The following FAM161A variants were observed in gnomAD, a reference collection of about 807,000 sequenced individuals.
FAM161A encodes FAM161 centrosomal protein A.
Under a neutral mutation model 70.9 loss-of-function variants are expected in FAM161A, and 57 were observed. The ratio of observed to expected loss-of-function variants is 0.80; its 90% CI spans 0.65 to 1.00. The LOEUF is 1.00. FAM161A is among the 50% of genes least tolerant of loss of function. The pLI, the probability that FAM161A is intolerant of heterozygous loss-of-function variation, is 0.00. For missense variants in FAM161A, 880 were observed against 836.0 expected, an observed-to-expected ratio of 1.05 and a Z score of -0.65; for synonymous variants, 299 against 295.7, an observed-to-expected ratio of 1.01 and a Z score of -0.12.
At chr2:61,841,074 C>T (rs903409975) in intron 2 of FAM161A, among the ~76,000 whole-genome samples, 4 of 152,196 alleles carry the variant, frequency 2.6e-5, no homozygotes, top group Non-Finnish European at 4.4e-5. Flanking sequence ...CACTTTGACT[C>T]CTTCATTTTA....
chr2:61,826,381 TA>T lies in FAM161A; in HGVS notation c.*73del. The T allele has an allele frequency of 1.3e-6, 2 of 1,544,406 alleles. No homozygotes were observed. The highest frequency in any genetic ancestry group is 1.2e-5 in the South Asian group (1 of 86,816). On this transcript the variant is annotated 3_prime_UTR_variant, in exon 7 of 7. Transcript: ENST00000404929. ...ATCAGAAGCGTCCCCACAGATGTTC[TA>T]AACACAAATGCGGCTGCTGACACCC... is the stretch of plus-strand genomic sequence containing the variant.
chr2:61,836,207 G>GA (rs1284973782), intron 4 of FAM161A, 98 bp from the exon 5 acceptor site: 29 of 632,342 alleles, frequency 4.6e-5, no homozygotes, highest in African/African-American at 2.0e-4. Context: ...CAAAGTCAAT[G>GA]AAAAAAAAGA....
Position 61,827,103 on chromosome 2 carries a change from C to T in FAM161A, c.2006+1G>A, listed in dbSNP as rs753144249. 6 of 1,613,362 alleles carry T rather than the reference C, an allele frequency of 3.7e-6. No homozygotes were observed. In the South Asian group the frequency reaches 6.6e-5, roughly 18 times the overall value. ...CCATTCAGACATCTTATATATGTTA[C>T]CTTTCTTTGTCTTCAGTGACACTTT... is the stretch of plus-strand genomic sequence containing the variant. On this transcript the variant is annotated splice_donor_variant, in intron 6 of 6. Coordinates refer to ENST00000404929, the MANE Select transcript of FAM161A (RefSeq NM_001201543.2). LOFTEE classifies it high-confidence loss of function.
chr2:61,827,362 G>A, intron 5 of FAM161A, 104 bp from the exon 6 acceptor site: 4 of 1,149,114 alleles, frequency 3.5e-6, no homozygotes, highest in Non-Finnish European at 5.1e-6. Context: ...TGTAATCCCA[G>A]TGCTTTGGGA....
downstream of FAM161A, among the ~76,000 whole-genome samples, chr2:61,824,530 T>G (rs1293122503): frequency 6.6e-6 from 1 of 152,204 alleles, no homozygotes; most frequent in African/African-American, 2.4e-5. Flanking sequence ...ATATCACAGT[T>G]TGCAAAGACC....
Position 61,824,872 on chromosome 2 carries a change from TTTA to T in FAM161A, c.*1580_*1582del, listed in dbSNP as rs746935258. On this transcript the variant is annotated 3_prime_UTR_variant, in exon 7 of 7. Coordinates refer to ENST00000404929, the MANE Select transcript of FAM161A (RefSeq NM_001201543.2). ...ATTCATCTACACACTCATTCAAACC[TTTA>T]TTAAGTACCTACCATATGTACAATA... is the stretch of plus-strand genomic sequence containing the variant. The T allele has an allele frequency of 4.8e-6, 2 of 419,536 alleles. No individual in the cohort carries two copies. The highest frequency in any genetic ancestry group is 4.2e-5 in the African/African-American group (2 of 48,124). The allele number at this position is 419,536 out of a possible 1,614,324, so 26.0% of individuals were successfully genotyped here.
the FAM161A span, among the ~76,000 whole-genome samples, chr2:61,809,683 A>G: frequency 2.0e-5 from 3 of 152,190 alleles, no homozygotes; most frequent in Non-Finnish European, 4.4e-5. Flanking sequence ...TTCCTTTGCA[A>G]TGTGACTTTG....
At chr2:61,804,768 GAGAAAGAAAGAAAGAAAGAA>G in the FAM161A span, among the ~76,000 whole-genome samples, 87 of 119,034 alleles carry the variant, frequency 7.3e-4, no homozygotes, top group Non-Finnish European at 1.2e-3. Context: ...GAAAAAGAAA[GAGAAAGAAAGAAAGAAAGAA>G]AGAAAGAAAG....
chr2:61,812,775 A>T, the FAM161A span, among the ~76,000 whole-genome samples: 1 of 151,798 alleles, frequency 6.6e-6, no homozygotes, highest in Non-Finnish European at 1.5e-5. Context: ...TCCATACTTT[A>T]AAGAAGAATA....
chr2:61,806,767 A>G, the FAM161A span, among the ~76,000 whole-genome samples: 1 of 126,340 alleles, frequency 7.9e-6, no homozygotes, highest in Non-Finnish European at 1.5e-5. Context: ...ATCTCGGCTC[A>G]CTGCAAGCTC....
At chr2:61,838,893 T>TTTA (rs1553354076) in intron 3 of FAM161A, among the ~76,000 whole-genome samples, 188 bp from the exon 4 acceptor site, 30 of 103,096 alleles carry the variant, frequency 2.9e-4, no homozygotes, top group African/African-American at 1.4e-3. Flanking sequence ...TATTTATTTA[T>TTTA]TTTTTTTGAG....
At chr2:61,848,900 ATATATATT>A (rs1558491759) in intron 1 of FAM161A, among the ~76,000 whole-genome samples, 2 of 2,432 alleles carry the variant, frequency 8.2e-4, no homozygotes, top group Non-Finnish European at 1.5e-3. Flanking sequence ...ATATATTTAT[ATATATATT>A]TATATATTTA....
chr2:61,847,684 ATCACCT>A (rs1673278310), intron 1 of FAM161A, among the ~76,000 whole-genome samples: 1 of 152,106 alleles, frequency 6.6e-6, no homozygotes, highest in Non-Finnish European at 1.5e-5. Context: ...AGGCGGAAGG[ATCACCT>A]GAGCCCAGGA....
At chr2:61,841,612 C>T (rs764109131) in intron 2 of FAM161A, among the ~76,000 whole-genome samples, 5 of 152,124 alleles carry the variant, frequency 3.3e-5, no homozygotes, top group Non-Finnish European at 7.3e-5. Flanking sequence ...TCCTCAGCGC[C>T]CAGGCATAGT....
At chr2:61,841,323 C>G (rs1673012948) in intron 2 of FAM161A, among the ~76,000 whole-genome samples, 1 of 152,208 alleles carries the variant, frequency 6.6e-6, no homozygotes, top group Non-Finnish European at 1.5e-5. Context: ...ATTCTGCATT[C>G]ATATCCAGTC....
intron 5 of FAM161A, among the ~76,000 whole-genome samples, chr2:61,834,693 C>T (rs868569027): frequency 7.9e-5 from 12 of 152,124 alleles, no homozygotes; most frequent in South Asian, 2.1e-4. Flanking sequence ...GAACCACTGA[C>T]CTTAGGTGAT....
At chr2:61,847,560 C>T (rs1449350492) in intron 1 of FAM161A, among the ~76,000 whole-genome samples, 1 of 152,112 alleles carries the variant, frequency 6.6e-6, no homozygotes, top group African/African-American at 2.4e-5. Context: ...TGCTTGAGCC[C>T]AGGAGTTTCA....
chr2:61,813,007 G>A, the FAM161A span, among the ~76,000 whole-genome samples: 1 of 152,054 alleles, frequency 6.6e-6, no homozygotes, highest in African/African-American at 2.4e-5. Context: ...AGCTTGCAGT[G>A]AGCCGAGATC....
chr2:61,808,408 G>A, the FAM161A span, among the ~76,000 whole-genome samples: 2 of 151,840 alleles, frequency 1.3e-5, no homozygotes, highest in Non-Finnish European at 2.9e-5. Context: ...AAGTAGCTGG[G>A]GCTACAGGCG....
Sources: gnomAD v4.1 joint callset for allele counts (sites outside exome capture counted in the v4.1 genomes callset) on GRCh38, gnomAD v4.1.1 for gene constraint, MANE v1.5 for transcripts, NCBI Gene and HGNC (gene_info 2026-07-23, HGNC 2026-07-21) for gene names.